Variants in MYPN observed in about 807,000 individuals in gnomAD.
The protein encoded by MYPN is myopalladin, also known as sarcomeric protein myopalladin, 145 kDa (MYOP).
Under a neutral mutation model 129.4 loss-of-function variants are expected in MYPN, and 63 were observed. The ratio of observed to expected loss-of-function variants is 0.49; its 90% CI spans 0.40 to 0.60. The LOEUF (loss-of-function observed/expected upper bound fraction) is 0.60, where lower values mean the gene tolerates loss of function less well. MYPN is among the 20% of genes least tolerant of loss of function. The probability of loss-of-function intolerance (pLI) is 0.00; values close to 1 mark genes in which losing one functional copy is unlikely to be tolerated. For synonymous variants in MYPN, 629 were observed against 600.9 expected (o/e 1.05, Z -0.68); for missense variants, 1,596 against 1,635.4 (o/e 0.98, Z 0.42).
At chr10:68,095,729 A>G (rs1293741609) in intron 1 of MYPN, among the ~76,000 whole-genome samples, 2 of 152,098 alleles carry the variant, frequency 1.3e-5, no homozygotes, top group Non-Finnish European at 2.9e-5. Flanking sequence ...AGGGACAGAA[A>G]GGAGAATGGT....
intron 12 of MYPN, 49 bp from the exon 13 acceptor site, chr10:68,188,856 T>C (rs2043462693): frequency 2.0e-6 from 3 of 1,504,490 alleles, no homozygotes; most frequent in African/African-American, 2.7e-5. Context: ...CTGATGGACA[T>C]GTTCTTCCTT....
rs542109546 is a variant in MYPN, at chr10:68,155,736, A to G, written c.1318-2750A>G. Among the ~76,000 whole-genome samples, 3 of 152,336 alleles carry G rather than the reference A, an allele frequency of 2.0e-5. No individual in the cohort carries two copies. In the South Asian group the frequency reaches 6.2e-4, roughly 32 times the overall value. Reference sequence around the variant, plus strand: ...TTCTCACGAAACTTTGTAGAAAAGCAGCTTTCAGCAATAACAACCATCCTC... The same window carrying G: ...TTCTCACGAAACTTTGTAGAAAAGCGGCTTTCAGCAATAACAACCATCCTC... On this transcript the variant is annotated intron_variant, in intron 6 of 19. Transcript: ENST00000358913.
chr10:68,161,851 A>T, intron 8 of MYPN, 99 bp downstream of exon 8: 1 of 1,030,390 alleles, frequency 9.7e-7, no homozygotes. Context: ...AAAGTGAAAA[A>T]TAAAGTTTTA....
In MYPN at chr10:68,211,768, C is replaced by T; in HGVS notation, c.*1313C>T. On this transcript the variant is annotated 3_prime_UTR_variant, in exon 20 of 20. Transcript: ENST00000358913. ...ATATTCTGCAGGAATATGCCACCCA[C>T]ACACCAGTCCAAACACTGCCCTGGG... The T allele has an allele frequency of 2.2e-6, 1 of 454,118 alleles. No individual in the cohort carries two copies. The highest frequency in any genetic ancestry group is 1.6e-5 in the South Asian group (1 of 64,478). 28.1% of individuals were successfully genotyped at this position (454,118 alleles called of 1,614,324 possible).
chr10:68,160,771 G>T (rs4745946), intron 7 of MYPN, among the ~76,000 whole-genome samples: 61,735 of 151,956 alleles, frequency 0.41, 14,398 homozygotes, highest in Non-Finnish European at 0.53. Flanking sequence ...ACAAAACTTA[G>T]CTGAGTGTGG....
At position 68,145,470 on chromosome 10, in the gene MYPN, T is replaced by G; in HGVS notation, c.1079-5T>G. ...CAATCTTATGTCTTGTTTTTATTTT[T>G]CCAGGGGTTTCTTCTTCTGACTCAG... is the stretch of plus-strand genomic sequence containing the variant. On this transcript the variant is annotated splice_region_variant and splice_polypyrimidine_tract_variant and intron_variant, in intron 3 of 19. Coordinates refer to ENST00000358913, the MANE Select transcript of MYPN (RefSeq NM_032578.4). 1 of 1,612,308 alleles carries G rather than the reference T, an allele frequency of 6.2e-7. No individual in the cohort carries two copies. Among genetic ancestry groups the G allele is most frequent in the South Asian group, 1.1e-5 (1 of 91,056 alleles).
At chr10:68,135,631 G>A (rs1382240358) in intron 2 of MYPN, 2 of 286,230 alleles carry the variant, frequency 7.0e-6, no homozygotes, top group East Asian at 3.5e-4. Flanking sequence ...TCCTTTTCTG[G>A]TGCACAAGCC....
At position 68,121,977 on chromosome 10, in the gene MYPN, A is replaced by G; in HGVS notation, c.539A>G (p.Asn180Ser). 1 of 1,614,210 alleles carries G rather than the reference A, an allele frequency of 6.2e-7. No homozygotes were observed. Among genetic ancestry groups the G allele is most frequent in the Middle Eastern group, 1.6e-4 (1 of 6,062 alleles). Reference sequence around the variant, plus strand: ...AGGATTAGACCTCGTGCCTGCAAAAACCACAAGAGTAAACTGGAATCTCAA... The same window carrying G: ...AGGATTAGACCTCGTGCCTGCAAAAGCCACAAGAGTAAACTGGAATCTCAA... Reference protein sequence around the residue: ...SKRIRPRACKNHKSKLESQNK... With the variant: ...SKRIRPRACKSHKSKLESQNK... The change falls in exon 2 of 20, where the codon AAC becomes AGC. Residue 180 changes from asparagine (N) to serine (S), a missense_variant. Physicochemically the swap from Asn to Ser is conservative, Grantham distance 46. Transcript: ENST00000358913.
At chr10:68,109,769 A>C (rs1183454248) in intron 1 of MYPN, 46 bp downstream of exon 1, 1 of 432,202 alleles carries the variant, frequency 2.3e-6, no homozygotes. Context: ...ATAACAGGGC[A>C]CTGACAGTGG....
rs373439318 is a variant in MYPN at position 68,201,905 on chromosome 10, A to C, written c.3570A>C (p.Arg1190Ser). 4.3e-6 allele frequency: 7 copies of C among 1,614,132 alleles called. No individual in the cohort carries two copies. Among genetic ancestry groups the C allele is most frequent in the Non-Finnish European group, 8.5e-7 (1 of 1,180,020 alleles). Residue 1190 changes from arginine to serine, a missense_variant, in exon 18 of 20, where the codon AGA becomes AGC. Physicochemically the swap from Arg to Ser is moderately radical, Grantham distance 110. Coordinates refer to ENST00000358913, the MANE Select transcript of MYPN (RefSeq NM_032578.4). Reference sequence around the variant, plus strand: ...GTGTTCCCGAAGGCCACCCCGTGAGACTGGAGTGCCGCGTGATAGGCATGC... The same window carrying C: ...GTGTTCCCGAAGGCCACCCCGTGAGCCTGGAGTGCCGCGTGATAGGCATGC... ...NCGVPEGHPV[R>S]LECRVIGMPP...
chr10:68,195,279 G>A (rs1437706393), intron 14 of MYPN, among the ~76,000 whole-genome samples, 171 bp from the exon 15 acceptor site: 1 of 151,930 alleles, frequency 6.6e-6, no homozygotes, highest in Non-Finnish European at 1.5e-5. Context: ...TCTCCCCCTG[G>A]AATATTAACA....
intron 12 of MYPN, among the ~76,000 whole-genome samples, chr10:68,182,302 ATAAC>A (rs1299510865): frequency 1.5e-4 from 3 of 20,294 alleles, no homozygotes; most frequent in Non-Finnish European, 3.0e-4. Context: ...TAACATATAT[ATAAC>A]ACACACATAT....
Position 68,145,481 on chromosome 10 carries a change from C to G in MYPN, c.1085C>G (p.Ser362Cys). The G allele has an allele frequency of 6.2e-7, 1 of 1,613,094 alleles. No individual in the cohort carries two copies. The highest frequency in any genetic ancestry group is 8.5e-7 in the Non-Finnish European group (1 of 1,179,362). ...CTTGTTTTTATTTTTCCAGGGGTTT[C>G]TTCTTCTGACTCAGAAGGCGACCCT... Reference protein sequence around the residue: ...TSAEIYIEGVSSSDSEGDPNK... With the variant: ...TSAEIYIEGVCSSDSEGDPNK... Residue 362 changes from serine (S) to cysteine (C), a missense_variant, in exon 4 of 20, where the codon TCT becomes TGT. Transcript: ENST00000358913.
chr10:68,171,157 AAG>A (rs1491319129), intron 10 of MYPN, among the ~76,000 whole-genome samples: 10 of 144,490 alleles, frequency 6.9e-5, no homozygotes, highest in Non-Finnish European at 1.2e-4. Flanking sequence ...AAAAAAAAAA[AAG>A]AAAGAAAGAA....
At chr10:68,133,023 T>A (rs1486378628) in intron 2 of MYPN, among the ~76,000 whole-genome samples, 12 of 110,722 alleles carry the variant, frequency 1.1e-4, no homozygotes, top group Admixed American at 9.4e-4. Context: ...AGACCTCAAT[T>A]TTTTTTTTTT....
At chr10:68,177,153 C>T (rs2043239740) in intron 12 of MYPN, among the ~76,000 whole-genome samples, 1 of 152,144 alleles carries the variant, frequency 6.6e-6, no homozygotes, top group South Asian at 2.1e-4. Context: ...AAGGGTTTTT[C>T]TCTTAGTTAC....
At chr10:68,128,162 C>T (rs1291479468) in intron 2 of MYPN, among the ~76,000 whole-genome samples, 7 of 152,106 alleles carry the variant, frequency 4.6e-5, no homozygotes, top group African/African-American at 1.2e-4. Context: ...AAATGAAATA[C>T]GTTCATGTAT....
At chr10:68,143,970 T>A (rs573048030) in intron 3 of MYPN, among the ~76,000 whole-genome samples, 8 of 152,062 alleles carry the variant, frequency 5.3e-5, no homozygotes, top group Non-Finnish European at 1.0e-4. Context: ...GGCCAGGCTG[T>A]TCTTGGACTC....
Position 68,194,347 on chromosome 10 carries a change from T to C in MYPN, c.2926-16T>C, listed in dbSNP as rs910664008. 6.2e-7 allele frequency: 1 copy of C among 1,612,574 alleles called. No individual in the cohort carries two copies. ...ATAAACAAAACAGTGTACATCTTGA[T>C]AATTTTTCATTTCAGGTTTACTGGT... is the stretch of plus-strand genomic sequence containing the variant. On this transcript the variant is annotated splice_polypyrimidine_tract_variant and intron_variant, in intron 13 of 19. Coordinates refer to ENST00000358913, the MANE Select transcript of MYPN (RefSeq NM_032578.4).
Sources: allele counts gnomAD v4.1 joint callset (sites outside exome capture counted in the v4.1 genomes callset), GRCh38; gene constraint gnomAD v4.1.1; transcripts MANE v1.5; gene names NCBI Gene and HGNC (gene_info 2026-07-23, HGNC 2026-07-21).